The following SNX15 variants were observed in gnomAD, a reference collection of about 807,000 sequenced individuals.
SNX15 encodes sorting nexin 15, also known as sorting nexin-15.
A neutral mutation model predicts 35.2 loss-of-function variants in SNX15; 29 were observed. The observed-to-expected ratio is 0.82, with a 90% CI of 0.61 to 1.12. The LOEUF is 1.12. Among genes scored for constraint, SNX15 ranks in the 50% most tolerant of loss-of-function variants. The pLI, the probability that SNX15 is intolerant of heterozygous loss-of-function variation, is 0.00. For synonymous variants in SNX15, 189 were observed against 188.2 expected (o/e 1.00, Z -0.03); for missense variants, 400 against 451.5 (o/e 0.89, Z 1.03).
At position 65,038,831 on chromosome 11, in the gene SNX15, T is replaced by C. The variant is rs1270547042; in HGVS notation, c.922+2T>C. ...ACGTCTTGCTTCAGGGAGTCCCCAG[T>C]GAGTAGGGACTGAGGGTGGAGGGTC... On this transcript the variant is annotated splice_donor_variant, in intron 7 of 7. Transcript: ENST00000377244. LOFTEE classifies it high-confidence loss of function. 2 of 1,574,742 alleles carry C rather than the reference T, an allele frequency of 1.3e-6. No individual in the cohort carries two copies. Among genetic ancestry groups the C allele is most frequent in the Admixed American group, 1.8e-5 (1 of 54,658 alleles).
Position 65,039,860 on chromosome 11 carries a change from C to A in SNX15, c.*68C>A. ...CAGCCCCTTCTCCTCTCCCCAGGGC[C>A]TGGCCCTACCTCCTGGTCTTGTAAT... On this transcript the variant is annotated 3_prime_UTR_variant, in exon 8 of 8. Coordinates refer to ENST00000377244, the MANE Select transcript of SNX15 (RefSeq NM_013306.5). 1 of 1,021,824 alleles carries A rather than the reference C, an allele frequency of 9.8e-7. No individual in the cohort carries two copies. The highest frequency in any genetic ancestry group is 1.5e-6 in the Non-Finnish European group (1 of 670,152). 63.3% of individuals were successfully genotyped at this position (1,021,824 alleles called of 1,614,324 possible). A position where few individuals can be genotyped will look rare whatever the true frequency, so the allele number is the denominator to read the frequency against.
intron 1 of SNX15, among the ~76,000 whole-genome samples, chr11:65,031,792 G>T (rs1291140782): frequency 6.6e-6 from 1 of 152,148 alleles, no homozygotes; most frequent in African/African-American, 2.4e-5. Flanking sequence ...AGCTTCTTGG[G>T]AGGCTGAGGT....
At position 65,027,654 on chromosome 11, in the gene SNX15, G is replaced by A; in HGVS notation, c.99+18G>A. 6.3e-7 allele frequency: 1 copy of A among 1,593,748 alleles called. No homozygotes were observed. The highest frequency in any genetic ancestry group is 1.3e-5 in the African/African-American group (1 of 74,652). ...CCGCGCAGGTGAGGTGGGGCCCAGC[G>A]CGTACTTTACCCTTTTAACTAGAGG... On this transcript the variant is annotated intron_variant, in intron 1 of 7. Coordinates refer to ENST00000377244, the MANE Select transcript of SNX15 (RefSeq NM_013306.5).
intron 6 of SNX15, chr11:65,036,987 C>G (rs1253026935): frequency 6.6e-6 from 1 of 152,164 alleles, no homozygotes; most frequent in Non-Finnish European, 1.5e-5. Context: ...TTTCACTTTT[C>G]TTGTTCTGCC....
intron 1 of SNX15, 101 bp from the exon 2 acceptor site, chr11:65,032,067 T>G: frequency 8.6e-7 from 1 of 1,165,364 alleles, no homozygotes; most frequent in Admixed American, 1.8e-5. Flanking sequence ...CAAAGGCTAC[T>G]GCCCCGTGAG....
Position 65,032,451 on chromosome 11 carries a change from C to T in SNX15, c.156C>T (p.Tyr52=). The change falls in exon 3 of 8, where the codon TAC becomes TAT. Residue 52 remains tyrosine, a synonymous_variant. Transcript: ENST00000377244. ...DVKEVVVWKR[Y]SDFRKLHGDL... ...CATAGGTGGTGGTCTGGAAGCGGTACAGCGACTTCCGCAAGCTGCATGGAG... is the reference window on the plus strand; with the variant it reads ...CATAGGTGGTGGTCTGGAAGCGGTATAGCGACTTCCGCAAGCTGCATGGAG... 2 of 1,614,184 alleles carry T rather than the reference C, an allele frequency of 1.2e-6. No individual in the cohort carries two copies. Among genetic ancestry groups the T allele is most frequent in the Non-Finnish European group, 1.7e-6 (2 of 1,180,036 alleles).
chr11:65,035,495 A>G (rs772418379), intron 5 of SNX15, 25 bp from the exon 6 acceptor site: 5 of 1,559,562 alleles, frequency 3.2e-6, no homozygotes, highest in African/African-American at 1.4e-5. Flanking sequence ...GCAGGTATTC[A>G]TGACCCCACT....
At chr11:65,039,225 A>AT (rs1204929609) in intron 7 of SNX15, among the ~76,000 whole-genome samples, 1,990 of 137,964 alleles carry the variant, frequency 0.014, 47 homozygotes, top group African/African-American at 0.049. Flanking sequence ...ATTTTTATTT[A>AT]TTTATTTTTA....
At chr11:65,038,381 C>G in intron 6 of SNX15, 191 bp from the exon 7 acceptor site, 1 of 1,145,748 alleles carries the variant, frequency 8.7e-7, no homozygotes, top group Non-Finnish European at 1.1e-6. Context: ...TACAGAAGCA[C>G]ATGAACCCTA....
intron 1 of SNX15, among the ~76,000 whole-genome samples, chr11:65,030,808 A>G (rs1946432324): frequency 6.6e-6 from 1 of 151,848 alleles, no homozygotes; most frequent in Non-Finnish European, 1.5e-5. Flanking sequence ...TGGCCACTCA[A>G]TGGCTTTTAA....
Position 65,027,486 on chromosome 11 carries a change from G to GGGACGGCGAGGAGGTGGA in SNX15, c.-49_-32dup. 6.9e-7 allele frequency: 1 copy of GGGACGGCGAGGAGGTGGA among 1,453,652 alleles called. No homozygotes were observed. Among genetic ancestry groups the GGGACGGCGAGGAGGTGGA allele is most frequent in the Non-Finnish European group, 9.7e-7 (1 of 1,035,494 alleles). The allele number at this position is 1,453,652 out of a possible 1,614,324, so 90.0% of individuals were successfully genotyped here. A position where few individuals can be genotyped will look rare whatever the true frequency, so the allele number is the denominator to read the frequency against. On this transcript the variant is annotated 5_prime_UTR_variant, in exon 1 of 8. Transcript: ENST00000377244. ...GGGCGGAGGCTGGGCCGGAGGGGTG[G>GGGACGGCGAGGAGGTGGA]GGACGGCGAGGAGGTGGAGGCCGGC...
rs1248868966 is a variant in SNX15 at position 65,033,566 on chromosome 11, T to C, written c.256+1015T>C. 2.8e-5 allele frequency among the ~76,000 whole-genome samples: 4 copies of C among 142,790 alleles called. No homozygotes were observed. The East Asian group carries it at 8.3e-4, about 29-fold the overall frequency. 93.7% of individuals were successfully genotyped at this position (142,790 alleles called of 152,430 possible). ...CTCAAAAAAAAAAAAAAAAAAAAAATTGTTTCTTTTTTCCTATTATTTAAT... is the reference window on the plus strand; with the variant it reads ...CTCAAAAAAAAAAAAAAAAAAAAAACTGTTTCTTTTTTCCTATTATTTAAT... On this transcript the variant is annotated intron_variant, in intron 3 of 7. Coordinates refer to ENST00000377244, the MANE Select transcript of SNX15 (RefSeq NM_013306.5).
chr11:65,032,127 G>A, intron 1 of SNX15, 41 bp from the exon 2 acceptor site: 1 of 1,604,892 alleles, frequency 6.2e-7, no homozygotes, highest in Non-Finnish European at 8.5e-7. Flanking sequence ...GTGTCAGATG[G>A]CAGTCTCTGG....
At chr11:65,032,619 A>G (rs1946453848) in intron 3 of SNX15, 68 bp downstream of exon 3, 21 of 1,596,536 alleles carry the variant, frequency 1.3e-5, no homozygotes, top group Non-Finnish European at 1.8e-5. Context: ...GACCTCCGCC[A>G]GTGGGGGCTG....
rs1477723171 is a variant in SNX15 at position 65,038,680 on chromosome 11, A to C, written c.773A>C (p.Glu258Ala). ...PWEPGGQEEE[E>A]DGEGGPTPAY... ...GAGCCAGGAGGGCAGGAGGAGGAAG[A>C]GGATGGGGAAGGAGGGCCCACCCCT... The change falls in exon 7 of 8, where the codon GAG (glutamate) becomes GCG (alanine). Residue 258 changes from glutamate (E) to alanine (A), a missense_variant. Transcript: ENST00000377244. 6.2e-7 allele frequency: 1 copy of C among 1,611,386 alleles called. No individual in the cohort carries two copies. The highest frequency in any genetic ancestry group is 1.3e-5 in the African/African-American group (1 of 75,046).
At position 65,040,422 on chromosome 11, in the gene SNX15, A is replaced by C. The variant is rs1946569378; in HGVS notation, c.*630A>C. 1 of 151,986 alleles carries C rather than the reference A, an allele frequency of 6.6e-6. No individual in the cohort carries two copies. The highest frequency in any genetic ancestry group is 6.6e-5 in the Admixed American group (1 of 15,254). The allele number at this position is 151,986 out of a possible 1,614,324, so 9.4% of individuals were successfully genotyped here. The stretch of plus-strand genomic sequence containing the variant: ...GCCAAATCTGGCCCACCTCCTTTTT[A>C]ATGTAAGGGCTGTGAGAGTGGTTTT... On this transcript the variant is annotated 3_prime_UTR_variant, in exon 8 of 8. Transcript: ENST00000377244.
chr11:65,032,521 T>A lies in SNX15; in HGVS notation c.226T>A (p.Phe76Ile), dbSNP rs1307008650. ...HRNLFRRLEE[F>I]PAFPRAQVFG... ...CAACCTCTTCCGCCGCCTCGAGGAG[T>A]TCCCTGCTTTCCCCCGGGCCCAGGT... is the stretch of plus-strand genomic sequence containing the variant. The change falls in exon 3 of 8, where the codon TTC becomes ATC. Residue 76 changes from phenylalanine to isoleucine, a missense_variant. Phe to Ile is a conservative substitution (Grantham distance 21, BLOSUM62 0). Coordinates refer to ENST00000377244, the MANE Select transcript of SNX15 (RefSeq NM_013306.5). 6.2e-7 allele frequency: 1 copy of A among 1,613,972 alleles called. No homozygotes were observed. The highest frequency in any genetic ancestry group is 1.1e-5 in the South Asian group (1 of 91,072).
chr11:65,034,745 T>A, intron 3 of SNX15, 102 bp from the exon 4 acceptor site: 1 of 819,262 alleles, frequency 1.2e-6, no homozygotes, highest in Non-Finnish European at 2.0e-6. Flanking sequence ...GGGCAGTGAG[T>A]TGCTCAGAGC....
chr11:65,033,007 C>T (rs923282515), intron 3 of SNX15, among the ~76,000 whole-genome samples: 1 of 152,148 alleles, frequency 6.6e-6, no homozygotes, highest in Non-Finnish European at 1.5e-5. Flanking sequence ...TCCCCAGTAG[C>T]TGGGATAACA....
Sources: gnomAD v4.1 joint callset for allele counts (sites outside exome capture counted in the v4.1 genomes callset) on GRCh38, gnomAD v4.1.1 for gene constraint, MANE v1.5 for transcripts, NCBI Gene and HGNC (gene_info 2026-07-23, HGNC 2026-07-21) for gene names.